The following TBX3 variants were observed in gnomAD, a reference collection of about 807,000 sequenced individuals.
TBX3 encodes T-box transcription factor 3.
A neutral mutation model predicts 47.8 loss-of-function variants in TBX3; 11 were observed. That is an observed-to-expected ratio of 0.23 (90% CI 0.14 to 0.38). TBX3 has a LOEUF of 0.38. Among genes scored for constraint, TBX3 ranks in the 10% least tolerant of loss-of-function variants. TBX3 has a pLI of 1.00. For missense variants in TBX3, 927 were observed against 1,022.8 expected (o/e 0.91, Z 1.28); for synonymous variants, 500 against 449.3 (o/e 1.11, Z -1.43).
intron 1 of TBX3, 138 bp downstream of exon 1, chr12:114,682,674 G>A: frequency 2.2e-6 from 3 of 1,334,088 alleles, no homozygotes; most frequent in Non-Finnish European, 3.1e-6. Flanking sequence ...GGGCCTGGAA[G>A]TCTGTGCATA....
In TBX3 at chr12:114,674,340, G is replaced by C; in HGVS notation, c.1535C>G (p.Ser512Cys). 1 of 1,561,450 alleles carries C rather than the reference G, an allele frequency of 6.4e-7. No homozygotes were observed. Among genetic ancestry groups the C allele is most frequent in the East Asian group, 2.4e-5 (1 of 41,730 alleles). ...ACCCATGCCAGCGGCCGCCATGCTG[G>C]AGAAGGCGCCCCCCATGGCAAACTG... ...PSQFAMGGAF[S>C]SMAAAGMGPL... The change falls in exon 6 of 7, where the codon TCC (serine) becomes TGC (cysteine). Residue 512 changes from serine (S) to cysteine (C), a missense_variant. Ser to Cys is a moderately radical substitution (Grantham distance 112). Around this residue, in one of 5 missense-constraint regions of TBX3, gnomAD observed 623 missense variants for 569.0 expected, o/e 1.09. Coordinates refer to ENST00000349155, the MANE Select transcript of TBX3 (RefSeq NM_005996.4).
chr12:114,672,260 A>AG lies in TBX3; in HGVS notation c.1752dup (p.Tyr585LeufsTer87). ...GCCGCCGCTGCGGCCATGTACGTGTAGGGGTAAGGGAACAGGCTTCCGAAA... is the reference window on the plus strand; with the variant it reads ...GCCGCCGCTGCGGCCATGTACGTGTAGGGGGTAAGGGAACAGGCTTCCGAAA... On this transcript the variant is annotated frameshift_variant, in exon 7 of 7. Transcript: ENST00000349155. LOFTEE classifies it high-confidence loss of function. The AG allele has an allele frequency of 1.9e-6, 3 of 1,576,738 alleles. No homozygotes were observed. Among genetic ancestry groups the AG allele is most frequent in the Non-Finnish European group, 2.6e-6 (3 of 1,162,056 alleles).
chr12:114,672,455 G>C (rs1391938901), intron 6 of TBX3, among the ~76,000 whole-genome samples, 153 bp from the exon 7 acceptor site: 1 of 144,478 alleles, frequency 6.9e-6, no homozygotes, highest in Non-Finnish European at 1.5e-5. Context: ...TTTGGGGGGG[G>C]AGATAGGTGG....
intron 4 of TBX3, among the ~76,000 whole-genome samples, chr12:114,677,138 A>G (rs947157855): frequency 2.6e-5 from 4 of 152,236 alleles, no homozygotes; most frequent in African/African-American, 9.7e-5. Context: ...TACGTAATGC[A>G]AAATGATACA....
rs1869087249 is a variant in TBX3 at position 114,684,075 on chromosome 12, AG to A, written c.-876del. ...ACAGAGGGAAAGAGAGGGAGGGGAG[AG>A]AGAGAGAGAGAGAGAGAGACGGAGT... On this transcript the variant is annotated 5_prime_UTR_variant, in exon 1 of 7. Coordinates refer to ENST00000349155, the MANE Select transcript of TBX3 (RefSeq NM_005996.4). 4.5e-6 allele frequency: 1 copy of A among 221,762 alleles called. No individual in the cohort carries two copies. The highest frequency in any genetic ancestry group is 8.9e-6 in the Non-Finnish European group (1 of 112,346). 13.7% of individuals were successfully genotyped at this position (221,762 alleles called of 1,614,324 possible).
intron 3 of TBX3, 25 bp from the exon 4 acceptor site, chr12:114,677,681 C>G (rs1868766816): frequency 6.2e-7 from 1 of 1,606,166 alleles, no homozygotes; most frequent in Admixed American, 1.7e-5. Context: ...ACAAGCAAGA[C>G]AGAGACATTG....
Position 114,683,565 on chromosome 12 carries a change from G to A in TBX3, c.-365C>T, listed in dbSNP as rs1869046545. 1 of 312,556 alleles carries A rather than the reference G, an allele frequency of 3.2e-6. No homozygotes were observed. The highest frequency in any genetic ancestry group is 7.2e-5 in the South Asian group (1 of 13,948). 19.4% of individuals were successfully genotyped at this position (312,556 alleles called of 1,614,324 possible). ...ACTCGCGCCCGAGCCCTGCCGCTGA[G>A]CTCGAAATAGACACTCCAGCCCTGC... On this transcript the variant is annotated 5_prime_UTR_variant, in exon 1 of 7. Transcript: ENST00000349155. This position sits in a 1 kb window ranked among gnomAD's most constrained non-coding sequence, Gnocchi z 7.7.
Position 114,683,031 on chromosome 12 carries a change from G to A in TBX3, c.170C>T (p.Pro57Leu). The change falls in exon 1 of 7, where the codon CCG (proline) becomes CTG (leucine). Residue 57 changes from proline (P) to leucine (L), a missense_variant. Physicochemically the swap from Pro to Leu is moderately conservative, Grantham distance 98 (BLOSUM62 -3). Around this residue, in one of 5 missense-constraint regions of TBX3, gnomAD observed 216 missense variants for 281.2 expected, o/e 0.77. Coordinates refer to ENST00000349155, the MANE Select transcript of TBX3 (RefSeq NM_005996.4). The surrounding 1 kb of genome is among the most constrained non-coding windows in gnomAD (Gnocchi z 7.7). Reference protein sequence around the residue: ...PPNGAAALSLPGALAKPIMDQ... With the variant: ...PPNGAAALSLLGALAKPIMDQ... Reference sequence around the variant, plus strand: ...CATGATCGGCTTGGCCAGGGCGCCCGGCAGCGAGAGCGCCGCCGCGCCGTT... The same window carrying A: ...CATGATCGGCTTGGCCAGGGCGCCCAGCAGCGAGAGCGCCGCCGCGCCGTT... 6.2e-7 allele frequency: 1 copy of A among 1,608,788 alleles called. No individual in the cohort carries two copies. Among genetic ancestry groups the A allele is most frequent in the Non-Finnish European group, 8.5e-7 (1 of 1,176,500 alleles).
chr12:114,680,229 T>C, intron 2 of TBX3: 1 of 522,818 alleles, frequency 1.9e-6, no homozygotes, highest in Non-Finnish European at 3.4e-6. Context: ...TATTGAAATG[T>C]TGGGGAGGGG....
At chr12:114,682,703 C>G in intron 1 of TBX3, 109 bp downstream of exon 1, 1 of 1,558,416 alleles carries the variant, frequency 6.4e-7, no homozygotes, top group Non-Finnish European at 8.8e-7. Flanking sequence ...GGGGAACTAA[C>G]TTTTCGTCCA....
At chr12:114,673,231 T>C (rs1049374405) in intron 6 of TBX3, among the ~76,000 whole-genome samples, 1 of 152,040 alleles carries the variant, frequency 6.6e-6, no homozygotes, top group African/African-American at 2.4e-5. Context: ...TTTCCTCAGC[T>C]CCCTCCTCCC....
At position 114,670,871 on chromosome 12, in the gene TBX3, T is replaced by G. The variant is rs969691024; in HGVS notation, c.*970A>C. On this transcript the variant is annotated 3_prime_UTR_variant, in exon 7 of 7. Coordinates refer to ENST00000349155, the MANE Select transcript of TBX3 (RefSeq NM_005996.4). ...TGTACAATGTCAATAAATTAAAGTT[T>G]AATTTTCCAAGCATTCATATTCCAC... is the stretch of plus-strand genomic sequence containing the variant. 3 of 215,426 alleles carry G rather than the reference T, an allele frequency of 1.4e-5. No homozygotes were observed. The highest frequency in any genetic ancestry group is 2.8e-5 in the Non-Finnish European group (3 of 106,864). 13.3% of individuals were successfully genotyped at this position (215,426 alleles called of 1,614,324 possible). A position where few individuals can be genotyped will look rare whatever the true frequency, so the allele number is the denominator to read the frequency against.
At chr12:114,674,972 T>G (rs1868644849) in intron 5 of TBX3, 137 bp from the exon 6 acceptor site, 4 of 1,146,698 alleles carry the variant, frequency 3.5e-6, no homozygotes, top group Admixed American at 2.0e-5. Flanking sequence ...CCTTAGCCTC[T>G]CTGCACCTCA....
Position 114,684,071 on chromosome 12 carries a change from G to GAGA in TBX3, c.-872_-871insTCT, listed in dbSNP as rs1555208536. 3 of 221,194 alleles carry GAGA rather than the reference G, an allele frequency of 1.4e-5. No homozygotes were observed. Among genetic ancestry groups the GAGA allele is most frequent in the South Asian group, 1.9e-4 (1 of 5,248 alleles). 13.7% of individuals were successfully genotyped at this position (221,194 alleles called of 1,614,324 possible). On this transcript the variant is annotated 5_prime_UTR_variant, in exon 1 of 7. Coordinates refer to ENST00000349155, the MANE Select transcript of TBX3 (RefSeq NM_005996.4). ...TGGAACAGAGGGAAAGAGAGGGAGG[G>GAGA]GAGAGAGAGAGAGAGAGAGAGAGAC...
In TBX3 at chr12:114,670,302, A is replaced by AG. The variant is rs1411145595; in HGVS notation, c.*1538dup. 4 of 223,222 alleles carry AG rather than the reference A, an allele frequency of 1.8e-5. No homozygotes were observed. Among genetic ancestry groups the AG allele is most frequent in the Non-Finnish European group, 3.6e-5 (4 of 111,928 alleles). 13.8% of individuals were successfully genotyped at this position (223,222 alleles called of 1,614,324 possible). ...GAAATTTCAGTGATGTTTTAAAGAG[A>AG]GGGGGAAAAATACAGAAAACCAAAG... On this transcript the variant is annotated 3_prime_UTR_variant, in exon 7 of 7. Transcript: ENST00000349155.
chr12:114,682,674 G>T, intron 1 of TBX3, 138 bp downstream of exon 1: 1 of 1,334,086 alleles, frequency 7.5e-7, no homozygotes, highest in Non-Finnish European at 1.0e-6. Flanking sequence ...GGGCCTGGAA[G>T]TCTGTGCATA....
In TBX3 at chr12:114,681,192, G is replaced by A. The variant is rs515746; in HGVS notation, c.390-46C>T. On this transcript the variant is annotated intron_variant, in intron 1 of 6. Coordinates refer to ENST00000349155, the MANE Select transcript of TBX3 (RefSeq NM_005996.4). The stretch of plus-strand genomic sequence containing the variant: ...AAAGAAAAAGAAAGATAAACCACCC[G>A]TAATCTTGGGTTTGATTTCCTATGT... 0.51 allele frequency: 822,055 copies of A among 1,608,754 alleles called. 211,576 individuals are homozygous for A. Among genetic ancestry groups the A allele is most frequent in the Middle Eastern group, 0.55 (3,250 of 5,940 alleles).
Position 114,670,612 on chromosome 12 carries a change from G to C in TBX3, c.*1229C>G. On this transcript the variant is annotated 3_prime_UTR_variant, in exon 7 of 7. Coordinates refer to ENST00000349155, the MANE Select transcript of TBX3 (RefSeq NM_005996.4). The stretch of plus-strand genomic sequence containing the variant: ...AAGGAATTTGAAGTGGAGCTGGAAA[G>C]TGGCACTCCTTCCCCAATTTTGGTG... The C allele has an allele frequency of 4.5e-6, 1 of 220,518 alleles. No homozygotes were observed. Among genetic ancestry groups the C allele is most frequent in the East Asian group, 6.8e-5 (1 of 14,808 alleles). 13.7% of individuals were successfully genotyped at this position (220,518 alleles called of 1,614,324 possible). A position where few individuals can be genotyped will look rare whatever the true frequency, so the allele number is the denominator to read the frequency against.
In TBX3 at chr12:114,674,553, C is replaced by T. The variant is rs1176725361; in HGVS notation, c.1322G>A (p.Gly441Asp). Residue 441 changes from glycine to aspartate, a missense_variant, in exon 6 of 7, where the codon GGC (glycine) becomes GAC (aspartate). Physicochemically the swap from Gly to Asp is moderately conservative, Grantham distance 94. Around this residue, in one of 5 missense-constraint regions of TBX3, gnomAD observed 623 missense variants for 569.0 expected, o/e 1.09. Coordinates refer to ENST00000349155, the MANE Select transcript of TBX3 (RefSeq NM_005996.4). Reference sequence around the variant, plus strand: ...CTCTTCCACCTTGGCCGGCGCTGTGCCCTCGCGAACCGGGCTCCTGCGCTC... The same window carrying T: ...CTCTTCCACCTTGGCCGGCGCTGTGTCCTCGCGAACCGGGCTCCTGCGCTC... ...AEERRSPVRE[G>D]TAPAKVEEAR... 3.9e-6 allele frequency: 6 copies of T among 1,555,978 alleles called. No homozygotes were observed. In the South Asian group the frequency reaches 6.0e-5, roughly 15 times the overall value.
Sources: allele counts gnomAD v4.1 joint callset (sites outside exome capture counted in the v4.1 genomes callset), GRCh38; gene constraint gnomAD v4.1.1; regional missense constraint gnomAD v4.1.1; non-coding constraint Gnocchi (gnomAD v3.1); transcripts MANE v1.5; gene names NCBI Gene and HGNC (gene_info 2026-07-23, HGNC 2026-07-21).